The following ZNF571 variants were observed in gnomAD, a reference collection of about 807,000 sequenced individuals.
ZNF571 encodes zinc finger protein 571.
A neutral mutation model predicts 7.7 loss-of-function variants in ZNF571; 4 were observed. The ratio of observed to expected loss-of-function variants is 0.52; its 90% confidence interval spans 0.25 to 1.18. ZNF571 has a LOEUF of 1.18. Ranked by LOEUF, ZNF571 falls within the 50% of genes most tolerant of loss-of-function variation. The pLI, the probability that ZNF571 is intolerant of heterozygous loss-of-function variation, is 0.14. For synonymous variants in ZNF571, 251 were observed against 232.4 expected (o/e 1.08, Z -0.73); for missense variants, 704 against 726.9 (o/e 0.97, Z 0.36).
chr19:37,573,850 GAAAAAGA>G (rs2043152313), intron 3 of ZNF571, among the ~76,000 whole-genome samples: 2 of 150,274 alleles, frequency 1.3e-5, no homozygotes, highest in South Asian at 2.1e-4. Flanking sequence ...AAAAAAGAAA[GAAAAAGA>G]AAAAAGAAAA....
chr19:37,588,475 T>C (rs529383805), intron 1 of ZNF571, among the ~76,000 whole-genome samples: 73 of 152,286 alleles, frequency 4.8e-4, no homozygotes, highest in Non-Finnish European at 9.0e-4. Flanking sequence ...AAATACCACA[T>C]GTTGTCCTTT....
At chr19:37,574,380 G>A (rs1051910236) in intron 3 of ZNF571, among the ~76,000 whole-genome samples, 2 of 151,980 alleles carry the variant, frequency 1.3e-5, no homozygotes, top group Non-Finnish European at 2.9e-5. Flanking sequence ...AGCCCCCTCC[G>A]AGCTAATTCA....
intron 3 of ZNF571, among the ~76,000 whole-genome samples, chr19:37,568,885 A>C (rs2042961293): frequency 1.3e-5 from 2 of 152,046 alleles, no homozygotes; most frequent in Admixed American, 1.3e-4. Flanking sequence ...GTCCTACTGA[A>C]TATATCTCCT....
At position 37,564,975 on chromosome 19, in the gene ZNF571, G is replaced by GTGC. The variant is rs2042796374; in HGVS notation, c.1452_1453insGCA (p.Val484_Arg485insAla). On this transcript the variant is annotated inframe_insertion, in exon 4 of 4. Coordinates refer to ENST00000451802, the MANE Select transcript of ZNF571 (RefSeq NM_016536.5). Reference sequence around the variant, plus strand: ...TGATGATATGTAAGTTGTGTAGCACGTACAAAGGTCTTCCCACATTCCTTA... The same window carrying GTGC: ...TGATGATATGTAAGTTGTGTAGCACGTGCTACAAAGGTCTTCCCACATTCCTTA... 1 of 1,613,314 alleles carries GTGC rather than the reference G, an allele frequency of 6.2e-7. No homozygotes were observed. The highest frequency in any genetic ancestry group is 1.3e-5 in the African/African-American group (1 of 74,742).
chr19:37,570,225 TATCCC>T (rs2043005674), intron 3 of ZNF571, among the ~76,000 whole-genome samples: 1 of 152,228 alleles, frequency 6.6e-6, no homozygotes, highest in Admixed American at 6.5e-5. Flanking sequence ...CTAGGACTCT[TATCCC>T]ATCCATGTCC....
rs5827983 is a variant in ZNF571 at position 37,568,317 on chromosome 19, A to ACCC, written c.137-2029_137-2027dup. Among the ~76,000 whole-genome samples, 281 of 142,306 alleles carry ACCC rather than the reference A, an allele frequency of 2.0e-3. 1 individual carries two copies. Among genetic ancestry groups the ACCC allele is most frequent in the African/African-American group, 6.4e-3 (244 of 38,118 alleles). The allele number at this position is 142,306 out of a possible 152,430, so 93.4% of individuals were successfully genotyped here. ...AGAAATGATAAAAACAAAAGCAACT[A>ACCC]CCCCCCCCCACTTGCCATATACACA... On this transcript the variant is annotated intron_variant, in intron 3 of 3. Coordinates refer to ENST00000451802, the MANE Select transcript of ZNF571 (RefSeq NM_016536.5).
At chr19:37,571,205 T>G (rs1045373152) in intron 3 of ZNF571, among the ~76,000 whole-genome samples, 2 of 152,016 alleles carry the variant, frequency 1.3e-5, no homozygotes, top group Non-Finnish European at 2.9e-5. Context: ...CCTTACAAAT[T>G]CAAACTACGA....
rs1216852151 is a variant in ZNF571, at chr19:37,565,768, T to C, written c.660A>G (p.Glu220=). 1.9e-6 allele frequency: 3 copies of C among 1,613,804 alleles called. No homozygotes were observed. The highest frequency in any genetic ancestry group is 2.2e-5 in the East Asian group (1 of 44,852). The change falls in exon 4 of 4, where the codon GAA becomes GAG. Residue 220 remains glutamate (E), a synonymous_variant. Coordinates refer to ENST00000451802, the MANE Select transcript of ZNF571 (RefSeq NM_016536.5). ...CACATGCGTTACACTGATAAGGTTT[T>C]TCATTAGTATGAATTTTCTGATGTT... is the stretch of plus-strand genomic sequence containing the variant. ...LIQHQKIHTN[E]KPYQCNACGK...
At position 37,571,129 on chromosome 19, in the gene ZNF571, A is replaced by C. The variant is rs1229025943; in HGVS notation, c.137-4838T>G. Among the ~76,000 whole-genome samples the C allele has an allele frequency of 2.0e-5, 3 of 152,284 alleles. No individual in the cohort carries two copies. In the East Asian group the frequency reaches 5.8e-4, roughly 29 times the overall value. On this transcript the variant is annotated intron_variant, in intron 3 of 3. Transcript: ENST00000451802. ...TACTAATTATAGCATTTCTCATCCA[A>C]ATGCCATGAAGTTTTATAGGAGCCC...
At chr19:37,584,668 T>C (rs1484771601) in intron 2 of ZNF571, among the ~76,000 whole-genome samples, 5 of 152,160 alleles carry the variant, frequency 3.3e-5, no homozygotes, top group African/African-American at 1.2e-4. Context: ...GTATCTGAAT[T>C]AGACAAATTC....
Position 37,564,533 on chromosome 19 carries a change from C to T in ZNF571, c.*65G>A. The stretch of plus-strand genomic sequence containing the variant: ...AGATTCTGAGCAGAAGCAAGATGTT[C>T]TACATTCATTATAGATATGAAATAG... On this transcript the variant is annotated 3_prime_UTR_variant, in exon 4 of 4. Transcript: ENST00000451802. 4 of 1,400,006 alleles carry T rather than the reference C, an allele frequency of 2.9e-6. No individual in the cohort carries two copies. Among genetic ancestry groups the T allele is most frequent in the Non-Finnish European group, 3.8e-6 (4 of 1,061,068 alleles). The allele number at this position is 1,400,006 out of a possible 1,614,324, so 86.7% of individuals were successfully genotyped here.
At position 37,569,598 on chromosome 19, in the gene ZNF571, G is replaced by A. The variant is rs936661903; in HGVS notation, c.137-3307C>T. 6.6e-6 allele frequency among the ~76,000 whole-genome samples: 1 copy of A among 152,030 alleles called. No individual in the cohort carries two copies. Among genetic ancestry groups the A allele is most frequent in the Non-Finnish European group, 1.5e-5 (1 of 68,012 alleles). The stretch of plus-strand genomic sequence containing the variant: ...TCCTGTTTTATTAAAAACAACAAGT[G>A]CTGCTTATAACCTACTAGGTTGTAT... On this transcript the variant is annotated intron_variant, in intron 3 of 3. Transcript: ENST00000451802. The surrounding 1 kb of genome is among the most constrained non-coding windows in gnomAD (Gnocchi z 4.4).
At chr19:37,582,366 T>C (rs10153500) in intron 3 of ZNF571, among the ~76,000 whole-genome samples, 11,053 of 152,254 alleles carry the variant, frequency 0.073, 568 homozygotes, top group African/African-American at 0.13. Flanking sequence ...CTTTTGTCAG[T>C]TGGCTTCCAA....
In ZNF571 at chr19:37,566,053, A is replaced by G; in HGVS notation, c.375T>C (p.Ser125=). 6.2e-7 allele frequency: 1 copy of G among 1,614,104 alleles called. No homozygotes were observed. Among genetic ancestry groups the G allele is most frequent in the Non-Finnish European group, 8.5e-7 (1 of 1,179,956 alleles). ...TAGGAATTATCCGATGAAAAGTAGA[A>G]GAGGTTGAATGACTTTCAGTGGCCT... ...EEKATESHST[S]STFHRIIPTK... is the part of the protein sequence containing the mutation. The change falls in exon 4 of 4, where the codon TCT becomes TCC. Residue 125 remains serine, a synonymous_variant. Transcript: ENST00000451802.
chr19:37,583,966 C>A lies in ZNF571; in HGVS notation c.136+5G>T. ...AATTCTGAATATTACGTAGGATGATCTTACCCAATGAGATCAGGTTGCTGT... is the reference window on the plus strand; with the variant it reads ...AATTCTGAATATTACGTAGGATGATATTACCCAATGAGATCAGGTTGCTGT... On this transcript the variant is annotated splice_donor_5th_base_variant and intron_variant, in intron 3 of 3. Transcript: ENST00000451802. 1 of 1,599,202 alleles carries A rather than the reference C, an allele frequency of 6.3e-7. No homozygotes were observed. The highest frequency in any genetic ancestry group is 2.2e-5 in the East Asian group (1 of 44,586).
At chr19:37,583,810 A>G (rs537835600) in intron 3 of ZNF571, 161 bp downstream of exon 3, 34 of 623,978 alleles carry the variant, frequency 5.4e-5, no homozygotes, top group African/African-American at 3.3e-4. Context: ...AAGATGTGAC[A>G]GTCTAAAGGA....
chr19:37,577,366 C>A (rs2147181032), intron 3 of ZNF571, among the ~76,000 whole-genome samples: 1 of 152,212 alleles, frequency 6.6e-6, no homozygotes, highest in African/African-American at 2.4e-5. Flanking sequence ...CCACTTTGAA[C>A]CAAACCTAGC....
intron 3 of ZNF571, among the ~76,000 whole-genome samples, chr19:37,568,946 G>C (rs775566587): frequency 6.6e-6 from 1 of 151,692 alleles, no homozygotes; most frequent in African/African-American, 2.4e-5. Flanking sequence ...GCTGACACTC[G>C]GGAAGCCCAA....
chr19:37,593,125 GTTTT>G (rs767668305), intron 1 of ZNF571, among the ~76,000 whole-genome samples: 1 of 146,532 alleles, frequency 6.8e-6, no homozygotes, highest in Non-Finnish European at 1.5e-5. Context: ...CTTATTGTTA[GTTTT>G]TTTTTTTATG....
Sources: gnomAD v4.1 joint callset for allele counts (sites outside exome capture counted in the v4.1 genomes callset) on GRCh38, gnomAD v4.1.1 for gene constraint, Gnocchi (gnomAD v3.1) non-coding constraint, MANE v1.5 for transcripts, NCBI Gene and HGNC (gene_info 2026-07-23, HGNC 2026-07-21) for gene names.